EML1: variants seen among roughly 807,000 people sequenced by gnomAD.
EML1 encodes EMAP like 1, also known as echinoderm microtubule-associated protein-like 1.
EML1 carries 27 observed loss-of-function variants against 110.4 expected under a neutral mutation model. The observed-to-expected ratio is 0.24, with a 90% CI of 0.18 to 0.34. The LOEUF is 0.34. Ranked by LOEUF, EML1 falls within the 10% of genes least tolerant of loss-of-function variation. The pLI is 1.00. For missense variants in EML1, 741 were observed against 1,030.9 expected (o/e 0.72, Z 3.85); for synonymous variants, 344 against 385.8 (o/e 0.89, Z 1.27).
chr14:99,899,020 G>A (rs1191090), intron 8 of EML1, among the ~76,000 whole-genome samples: 136,545 of 152,254 alleles, frequency 0.9, 61,279 homozygotes, highest in East Asian at 1. Context: ...ACTTTAACCC[G>A]TGAAGTTTGT....
At chr14:99,896,598 T>C (rs989768326) in intron 6 of EML1, among the ~76,000 whole-genome samples, 7 of 152,224 alleles carry the variant, frequency 4.6e-5, no homozygotes, top group African/African-American at 1.7e-4. Flanking sequence ...TTTTTGGCCA[T>C]TATTTGGCAT....
At chr14:99,813,271 A>G (rs1595326347) in intron 1 of EML1, among the ~76,000 whole-genome samples, 1 of 152,206 alleles carries the variant, frequency 6.6e-6, no homozygotes, top group Non-Finnish European at 1.5e-5. Context: ...AAAAACCCCC[A>G]GCCACTTAGC....
At chr14:99,820,485 T>C (rs986791368) in intron 1 of EML1, among the ~76,000 whole-genome samples, 11 of 152,212 alleles carry the variant, frequency 7.2e-5, no homozygotes, top group Middle Eastern at 3.2e-3. Flanking sequence ...TCTCAACCTC[T>C]TCTCACCCTG....
chr14:99,809,516 C>T (rs2058038498), intron 1 of EML1: 1 of 392,010 alleles, frequency 2.6e-6, no homozygotes, highest in African/African-American at 2.1e-5. Context: ...GGACAGGCGC[C>T]CTGGTCGGCA....
intron 1 of EML1, among the ~76,000 whole-genome samples, chr14:99,754,335 C>G (rs2057219141): frequency 6.6e-6 from 1 of 152,240 alleles, no homozygotes; most frequent in Admixed American, 6.5e-5. Flanking sequence ...CATCTCCCAG[C>G]CTGGCATGCC....
intron 1 of EML1, among the ~76,000 whole-genome samples, chr14:99,821,324 A>C (rs1253439981): frequency 1.3e-5 from 2 of 152,022 alleles, no homozygotes; most frequent in Admixed American, 6.6e-5. Flanking sequence ...TTAACTTTTA[A>C]ATTTTTCCTG....
At chr14:99,808,732 T>G (rs980239189) in intron 1 of EML1, among the ~76,000 whole-genome samples, 4 of 152,188 alleles carry the variant, frequency 2.6e-5, no homozygotes, top group African/African-American at 9.7e-5. Context: ...CACTGTGGAC[T>G]ATCTGGGGAA....
rs201926509 is a variant in EML1, at chr14:99,824,619, TA to T, written c.68-26233del. On this transcript the variant is annotated intron_variant, in intron 1 of 21. Transcript: ENST00000262233. Reference sequence around the variant, plus strand: ...TTTTTTCTTCTTGTAAAAATCGCTTTAGGGGTACAGTGCAGGTAGGTTTGTT... The same window carrying T: ...TTTTTTCTTCTTGTAAAAATCGCTTTGGGGTACAGTGCAGGTAGGTTTGTT... Among the ~76,000 whole-genome samples the T allele has an allele frequency of 1.6e-3, 248 of 152,276 alleles. 4 individuals carry two copies. Among genetic ancestry groups the T allele is most frequent in the East Asian group, 0.014 (70 of 5,172 alleles).
chr14:99,763,820 A>C (rs1420114862), intron 1 of EML1, among the ~76,000 whole-genome samples: 4 of 152,132 alleles, frequency 2.6e-5, no homozygotes, highest in Admixed American at 2.6e-4. Flanking sequence ...GGCAGCAGGG[A>C]GCACCGGGAG....
chr14:99,757,387 G>T (rs1443588257), intron 1 of EML1, among the ~76,000 whole-genome samples: 1 of 151,678 alleles, frequency 6.6e-6, no homozygotes. Flanking sequence ...TGTGGCAGCA[G>T]AGCCCCCAGT....
At chr14:99,815,829 T>C (rs2058157658) in intron 1 of EML1, among the ~76,000 whole-genome samples, 1 of 152,214 alleles carries the variant, frequency 6.6e-6, no homozygotes, top group Non-Finnish European at 1.5e-5. Context: ...GCCTTGATTC[T>C]GTCGTAGAGA....
At chr14:99,820,034 G>A (rs183742222) in intron 1 of EML1, among the ~76,000 whole-genome samples, 17 of 152,264 alleles carry the variant, frequency 1.1e-4, no homozygotes, top group Middle Eastern at 3.4e-3. Flanking sequence ...GGCCTGGGGG[G>A]TTCCAATGGA....
intron 2 of EML1, among the ~76,000 whole-genome samples, chr14:99,861,386 A>G (rs2059001046): frequency 6.6e-6 from 1 of 152,230 alleles, no homozygotes; most frequent in South Asian, 2.1e-4. Flanking sequence ...AGTTCCAGCA[A>G]GTTAAAAATT....
Position 99,936,457 on chromosome 14 carries a change from C to A in EML1, c.2095+123C>A. On this transcript the variant is annotated intron_variant, in intron 19 of 21. Coordinates refer to ENST00000262233, the MANE Select transcript of EML1 (RefSeq NM_004434.3). The surrounding 1 kb of genome is among the most constrained non-coding windows in gnomAD (Gnocchi z 5.5). Reference sequence around the variant, plus strand: ...TAGGCACGTGCCATCATCTCTAGGTCATGGTTTCCGCCTCTGTAACGTAGG... The same window carrying A: ...TAGGCACGTGCCATCATCTCTAGGTAATGGTTTCCGCCTCTGTAACGTAGG... 2.3e-6 allele frequency: 2 copies of A among 872,954 alleles called. No individual in the cohort carries two copies. Among genetic ancestry groups the A allele is most frequent in the Non-Finnish European group, 3.6e-6 (2 of 555,316 alleles). 54.1% of individuals were successfully genotyped at this position (872,954 alleles called of 1,614,324 possible).
chr14:99,744,075 T>G (rs2057076135), intron 1 of EML1, among the ~76,000 whole-genome samples: 2 of 152,170 alleles, frequency 1.3e-5, no homozygotes. Flanking sequence ...AATTTCCAAT[T>G]TTTGCACTTT....
intron 2 of EML1, among the ~76,000 whole-genome samples, chr14:99,862,164 C>T (rs149533924): frequency 5.9e-5 from 9 of 152,314 alleles, no homozygotes; most frequent in East Asian, 3.9e-4. Context: ...ACCTTGGCTT[C>T]GCCTGATGTT....
At chr14:99,881,098 G>A (rs934943623) in intron 4 of EML1, among the ~76,000 whole-genome samples, 2 of 152,188 alleles carry the variant, frequency 1.3e-5, no homozygotes, top group African/African-American at 4.8e-5. Flanking sequence ...TAAGGCATCG[G>A]GCGGGAGCTG....
chr14:99,812,744 T>G (rs1007157784), intron 1 of EML1, among the ~76,000 whole-genome samples: 13 of 152,310 alleles, frequency 8.5e-5, no homozygotes, highest in Non-Finnish European at 1.0e-4. Context: ...TAAACACCTT[T>G]GAATAGAGGC....
intron 13 of EML1, among the ~76,000 whole-genome samples, chr14:99,913,659 A>AG (rs200637988): frequency 0.01 from 1,598 of 152,236 alleles, 34 homozygotes; most frequent in African/African-American, 0.037. Context: ...AATAAGGCTT[A>AG]GGGTTTTGAT....
Sources: gnomAD v4.1 joint callset for allele counts (sites outside exome capture counted in the v4.1 genomes callset) on GRCh38, gnomAD v4.1.1 for gene constraint, Gnocchi (gnomAD v3.1) non-coding constraint, MANE v1.5 for transcripts, NCBI Gene and HGNC (gene_info 2026-07-23, HGNC 2026-07-21) for gene names.